GSE1: variants seen among roughly 807,000 people sequenced by gnomAD.
GSE1 encodes the protein genetic suppressor element 1.
Under a neutral mutation model 112.6 loss-of-function variants are expected in GSE1, and 32 were observed. That is an observed-to-expected ratio of 0.28 (90% CI 0.21 to 0.38). The LOEUF is 0.38. Among genes scored for constraint, GSE1 ranks in the 10% least tolerant of loss-of-function variants. GSE1 has a pLI of 1.00. For missense variants in GSE1, 2,348 were observed against 1,699.2 expected, an observed-to-expected ratio of 1.38 and a Z score of -6.71; for synonymous variants, 1,115 against 735.6, an observed-to-expected ratio of 1.52 and a Z score of -8.35.
intron 1 of GSE1, among the ~76,000 whole-genome samples, chr16:85,235,313 G>T (rs1904482060): frequency 6.6e-6 from 1 of 151,670 alleles, no homozygotes; most frequent in Non-Finnish European, 1.5e-5. Flanking sequence ...GGGGGTGACG[G>T]CTCCCCAGGC....
rs2053626159 is a variant in GSE1, at chr16:85,675,365, A to G, written c.*2826A>G. The G allele has an allele frequency of 6.6e-6, 1 of 152,174 alleles. No homozygotes were observed. Among genetic ancestry groups the G allele is most frequent in the African/African-American group, 2.4e-5 (1 of 41,444 alleles). 9.4% of individuals were successfully genotyped at this position (152,174 alleles called of 1,614,324 possible). On this transcript the variant is annotated 3_prime_UTR_variant, in exon 16 of 16. Coordinates refer to ENST00000253458, the MANE Select transcript of GSE1 (RefSeq NM_014615.5). ...ATCTGGTTCCTCACTGAAACAAGTT[A>G]TTTTTGCTTCATATAGTCAGAGTCA...
chr16:85,271,811 G>T (rs115758016), intron 1 of GSE1, among the ~76,000 whole-genome samples: 2,005 of 152,306 alleles, frequency 0.013, 48 homozygotes, highest in African/African-American at 0.041. Flanking sequence ...GGGAGCTCCA[G>T]TCGGGCTGTG....
At chr16:85,616,156 T>C (rs1041990165) in intron 1 of GSE1, among the ~76,000 whole-genome samples, 2 of 152,256 alleles carry the variant, frequency 1.3e-5, no homozygotes, top group African/African-American at 4.8e-5. Flanking sequence ...CCTGCACCTC[T>C]GAGCTAGAGA....
At chr16:85,425,477 C>G (rs556631887) in intron 2 of GSE1, among the ~76,000 whole-genome samples, 140 of 152,308 alleles carry the variant, frequency 9.2e-4, no homozygotes, top group African/African-American at 3.1e-3. Flanking sequence ...GCCCGTGATG[C>G]TCATGAGACA....
At chr16:85,607,473 T>G (rs1054192540), upstream of GSE1, among the ~76,000 whole-genome samples, 1 of 152,094 alleles carries the variant, frequency 6.6e-6, no homozygotes, top group Non-Finnish European at 1.5e-5. Context: ...TGTTAACTGA[T>G]TGTAAAGGAG....
chr16:85,428,079 G>A (rs2049033697), intron 2 of GSE1, among the ~76,000 whole-genome samples: 1 of 152,206 alleles, frequency 6.6e-6, no homozygotes, highest in Admixed American at 6.5e-5. Context: ...CATTGGACAG[G>A]ACCCAGATAG....
In GSE1 at chr16:85,419,807, G is replaced by A. The variant is rs2048789884; in HGVS notation, c.2464+62164G>A. On this transcript the variant is annotated intron_variant, in intron 2 of 2. Transcript: ENST00000637419. The surrounding 1 kb of genome is among the most constrained non-coding windows in gnomAD (Gnocchi z 6.5). ...CTCTGATGGAAATGGTCCGAGTAGG[G>A]CTTCTGCAGGGCCAGCCAGGAACTC... Among the ~76,000 whole-genome samples the A allele has an allele frequency of 6.6e-6, 1 of 151,698 alleles. No individual in the cohort carries two copies. The highest frequency in any genetic ancestry group is 1.5e-5 in the Non-Finnish European group (1 of 67,902).
intron 2 of GSE1, among the ~76,000 whole-genome samples, chr16:85,646,329 A>G (rs866930078): frequency 6.4e-4 from 98 of 152,338 alleles, no homozygotes; most frequent in African/African-American, 2.2e-3. Flanking sequence ...AAGGTGCCCA[A>G]TTGTACCACA....
intron 1 of GSE1, among the ~76,000 whole-genome samples, chr16:85,625,988 T>G (rs1455308419): frequency 6.6e-6 from 1 of 152,132 alleles, no homozygotes; most frequent in Non-Finnish European, 1.5e-5. Flanking sequence ...TTCTCAGCCC[T>G]TCTTGTTCCA....
At chr16:85,243,169 GTGTGTGGTCC>G (rs1335239223) in intron 1 of GSE1, among the ~76,000 whole-genome samples, 1 of 152,220 alleles carries the variant, frequency 6.6e-6, no homozygotes, top group Non-Finnish European at 1.5e-5. Flanking sequence ...AGTTTGGAAA[GTGTGTGGTCC>G]TGATACAAAT....
intron 1 of GSE1, chr16:85,171,837 C>T (rs954320865): frequency 1.9e-5 from 18 of 965,082 alleles, no homozygotes; most frequent in South Asian, 4.8e-5. Flanking sequence ...TCATCTTAGA[C>T]GCTTCCTCCA....
chr16:85,290,158 C>T (rs780587841), intron 1 of GSE1, among the ~76,000 whole-genome samples: 1 of 152,154 alleles, frequency 6.6e-6, no homozygotes, highest in Non-Finnish European at 1.5e-5. Context: ...TCAGTCACTT[C>T]CCTGCGTGGG....
chr16:85,523,949 G>A (rs1338726417), intron 2 of GSE1, among the ~76,000 whole-genome samples: 1 of 152,186 alleles, frequency 6.6e-6, no homozygotes, highest in African/African-American at 2.4e-5. Context: ...TCGGTTTCTG[G>A]CCCACTGAGG....
At position 85,675,434 on chromosome 16, in the gene GSE1, A is replaced by C. The variant is rs544903448; in HGVS notation, c.*2895A>C. The C allele has an allele frequency of 1.8e-3, 280 of 152,352 alleles. No individual in the cohort carries two copies. Among genetic ancestry groups the C allele is most frequent in the African/African-American group, 6.6e-3 (273 of 41,584 alleles). The allele number at this position is 152,352 out of a possible 1,614,324, so 9.4% of individuals were successfully genotyped here. On this transcript the variant is annotated 3_prime_UTR_variant, in exon 16 of 16. Transcript: ENST00000253458. ...TCATGTTCCTAATCTGTTGTCTCAG[A>C]TAAGTGACCAAGACGGGACTTTCCA...
intron 9 of GSE1, among the ~76,000 whole-genome samples, 159 bp downstream of exon 9, chr16:85,661,924 C>T (rs1354426715): frequency 1.3e-5 from 2 of 152,194 alleles, no homozygotes; most frequent in Non-Finnish European, 2.9e-5. Context: ...TTTGTAGCAG[C>T]ATGACACCCT....
rs368276539 is a variant in GSE1 at position 85,661,415 on chromosome 16, G to A, written c.1910G>A (p.Gly637Glu). 1 of 1,612,234 alleles carries A rather than the reference G, an allele frequency of 6.2e-7. No homozygotes were observed. The highest frequency in any genetic ancestry group is 8.5e-7 in the Non-Finnish European group (1 of 1,179,702). The change falls in exon 9 of 16, where the codon GGG becomes GAG. Residue 637 changes from glycine to glutamate, a missense_variant. Coordinates refer to ENST00000253458, the MANE Select transcript of GSE1 (RefSeq NM_014615.5). ...TTCTGCCCGGAGAAAGCAGAGGAGG[G>A]GCCACGGAAGCGTGAGCCTGCCCCT... is the stretch of plus-strand genomic sequence containing the variant. ...RVFCPEKAEE[G>E]PRKREPAPLD...
chr16:85,410,166 GC>G (rs1188728663), intron 2 of GSE1, among the ~76,000 whole-genome samples: 1 of 41,770 alleles, frequency 2.4e-5, no homozygotes. Context: ...TACACTCAGG[GC>G]CCCCCTGGAT....
chr16:85,314,618 CG>C (rs1363521388), intron 1 of GSE1, among the ~76,000 whole-genome samples: 3 of 152,168 alleles, frequency 2.0e-5, no homozygotes, highest in Non-Finnish European at 4.4e-5. Context: ...CCTCCTTCCT[CG>C]CCCCACTCCT....
intron 1 of GSE1, among the ~76,000 whole-genome samples, chr16:85,623,170 A>T (rs973403243): frequency 1.3e-5 from 2 of 152,096 alleles, no homozygotes; most frequent in African/African-American, 4.8e-5. Context: ...TTTCAGGTCA[A>T]ATAAAAACAG....
Sources: allele counts gnomAD v4.1 joint callset (sites outside exome capture counted in the v4.1 genomes callset), GRCh38; gene constraint gnomAD v4.1.1; non-coding constraint Gnocchi (gnomAD v3.1); transcripts MANE v1.5; gene names NCBI Gene and HGNC (gene_info 2026-07-23, HGNC 2026-07-21).